The following RTN1 variants were observed in gnomAD, a reference collection of about 807,000 sequenced individuals.
RTN1 encodes the protein reticulon 1, also known as reticulon-1.
In RTN1, 25 loss-of-function variants were observed where a neutral mutation model predicts 65.5. That is an observed-to-expected ratio of 0.38 (90% confidence interval 0.28 to 0.53). The LOEUF (loss-of-function observed/expected upper bound fraction) is 0.53, where lower values mean the gene tolerates loss of function less well. RTN1 is among the 20% of genes least tolerant of loss of function. RTN1 has a pLI of 0.79. For missense variants in RTN1, 983 were observed against 1,025.4 expected (o/e 0.96, Z 0.57); for synonymous variants, 471 against 447.6 (o/e 1.05, Z -0.66).
chr14:59,697,744 G>A (rs1884092627), intron 3 of RTN1, among the ~76,000 whole-genome samples: 1 of 152,152 alleles, frequency 6.6e-6, no homozygotes, highest in Admixed American at 6.5e-5. Flanking sequence ...GGTATTAGAT[G>A]ATGTAAGCTT....
In RTN1 at chr14:59,746,162, G is replaced by T; in HGVS notation, c.561C>A (p.Asp187Glu). Reference sequence around the variant, plus strand: ...ATTTATAGGCCTCTGCTTTCATCTGGTCCAGAGGGTCTGCTAAGATCTTGT... The same window carrying T: ...ATTTATAGGCCTCTGCTTTCATCTGTTCCAGAGGGTCTGCTAAGATCTTGT... ...EVNKILADPL[D>E]QMKAEAYKYI... The change falls in exon 2 of 9, where the codon GAC (aspartate) becomes GAA (glutamate). Residue 187 changes from aspartate to glutamate, a missense_variant. Coordinates refer to ENST00000267484, the MANE Select transcript of RTN1 (RefSeq NM_021136.3). 1.2e-6 allele frequency: 2 copies of T among 1,606,690 alleles called. No individual in the cohort carries two copies. Among genetic ancestry groups the T allele is most frequent in the Non-Finnish European group, 1.7e-6 (2 of 1,177,304 alleles).
At position 59,836,961 on chromosome 14, in the gene RTN1, C is replaced by T. The variant is rs769955369; in HGVS notation, c.241+33429G>A. Among the ~76,000 whole-genome samples, 2 of 152,042 alleles carry T rather than the reference C, an allele frequency of 1.3e-5. No homozygotes were observed. Among genetic ancestry groups the T allele is most frequent in the Non-Finnish European group, 2.9e-5 (2 of 67,998 alleles). ...ATGCCCCTGAAATTTTAATCAAATG[C>T]TTTGCTGACTTTTTTTATTTGTAGC... On this transcript the variant is annotated intron_variant, in intron 1 of 8. Coordinates refer to ENST00000267484, the MANE Select transcript of RTN1 (RefSeq NM_021136.3). This position sits in a 1 kb window ranked among gnomAD's most constrained non-coding sequence, Gnocchi z 4.9.
chr14:59,779,240 T>C (rs1262511599), intron 1 of RTN1, among the ~76,000 whole-genome samples: 1 of 152,010 alleles, frequency 6.6e-6, no homozygotes, highest in Non-Finnish European at 1.5e-5. Flanking sequence ...TCTGGGGTAA[T>C]CCCAGAGTTT....
intron 3 of RTN1, among the ~76,000 whole-genome samples, chr14:59,656,835 G>T (rs1258655973): frequency 2.0e-5 from 3 of 152,186 alleles, no homozygotes; most frequent in Non-Finnish European, 4.4e-5. Flanking sequence ...GACTGCATTT[G>T]CAGACTTTTT....
At chr14:59,750,247 A>G (rs1347432966) in intron 1 of RTN1, among the ~76,000 whole-genome samples, 1 of 65,850 alleles carries the variant, frequency 1.5e-5, no homozygotes, top group Non-Finnish European at 2.5e-5. Flanking sequence ...TATTATATCT[A>G]TAATATATAA....
At chr14:59,603,368 C>T in intron 6 of RTN1, 110 bp from the exon 7 acceptor site, 1 of 793,538 alleles carries the variant, frequency 1.3e-6, no homozygotes, top group Non-Finnish European at 2.0e-6. Flanking sequence ...TTGGAATATA[C>T]AGCATTTTAT....
chr14:59,759,069 G>A (rs1004125508), intron 1 of RTN1, among the ~76,000 whole-genome samples: 2 of 152,142 alleles, frequency 1.3e-5, no homozygotes, highest in African/African-American at 4.8e-5. Flanking sequence ...GGAGCAGACA[G>A]GTCCCATATG....
intron 1 of RTN1, among the ~76,000 whole-genome samples, chr14:59,862,790 T>C (rs1032833541): frequency 6.6e-6 from 1 of 152,172 alleles, no homozygotes; most frequent in Non-Finnish European, 1.5e-5. Flanking sequence ...CTACTCAGTG[T>C]TCCCTCAGTT....
intron 1 of RTN1, among the ~76,000 whole-genome samples, chr14:59,754,035 C>T (rs1445495760): frequency 6.6e-6 from 1 of 152,104 alleles, no homozygotes. Flanking sequence ...ATTCAGTTAC[C>T]TGGATGCATT....
chr14:59,701,368 A>T (rs1442557192), intron 3 of RTN1, among the ~76,000 whole-genome samples: 1 of 152,208 alleles, frequency 6.6e-6, no homozygotes, highest in Admixed American at 6.5e-5. Flanking sequence ...AAACCTGTAC[A>T]TGAATGGTCA....
chr14:59,750,322 AATATATAATATATTAT>A (rs1321392338), intron 1 of RTN1, among the ~76,000 whole-genome samples: 4,185 of 30,844 alleles, frequency 0.14, 368 homozygotes, highest in Admixed American at 0.23. Flanking sequence ...TAATATCTAT[AATATATAATATATTAT>A]ATCTATAATA....
At chr14:59,690,929 G>A (rs1883947986) in intron 3 of RTN1, among the ~76,000 whole-genome samples, 3 of 152,070 alleles carry the variant, frequency 2.0e-5, no homozygotes, top group Admixed American at 6.6e-5. Context: ...TTTGTGGAAT[G>A]GAGCAAAACC....
chr14:59,845,520 C>T (rs1044263281), intron 1 of RTN1, among the ~76,000 whole-genome samples: 3 of 152,156 alleles, frequency 2.0e-5, no homozygotes, highest in Non-Finnish European at 4.4e-5. Context: ...CTTAACCTCC[C>T]ATGCCTCACC....
intron 3 of RTN1, among the ~76,000 whole-genome samples, chr14:59,707,697 T>C (rs1432967187): frequency 7.2e-6 from 1 of 139,832 alleles, no homozygotes; most frequent in East Asian, 2.0e-4. Flanking sequence ...TTTCCCTCTG[T>C]CTCTCTCTTT....
In RTN1 at chr14:59,870,707, C is replaced by T; in HGVS notation, c.-77G>A. On this transcript the variant is annotated 5_prime_UTR_variant, in exon 1 of 9. Transcript: ENST00000267484. This position sits in a 1 kb window ranked among gnomAD's most constrained non-coding sequence, Gnocchi z 5.1. ...GTGGCTGCGCGGGCGCTCCCTGCTGCTGTCCCCGGAGGGACTCGGCGCTCA... is the reference window on the plus strand; with the variant it reads ...GTGGCTGCGCGGGCGCTCCCTGCTGTTGTCCCCGGAGGGACTCGGCGCTCA... 1.6e-6 allele frequency: 2 copies of T among 1,289,196 alleles called. No individual in the cohort carries two copies. Among genetic ancestry groups the T allele is most frequent in the Non-Finnish European group, 9.8e-7 (1 of 1,023,606 alleles). 79.9% of individuals were successfully genotyped at this position (1,289,196 alleles called of 1,614,324 possible). A position where few individuals can be genotyped will look rare whatever the true frequency, so the allele number is the denominator to read the frequency against.
intron 3 of RTN1, among the ~76,000 whole-genome samples, chr14:59,693,317 T>C (rs569499702): frequency 6.6e-6 from 1 of 152,366 alleles, no homozygotes; most frequent in African/African-American, 2.4e-5. Context: ...TATGTTCATT[T>C]AATCTAATAA....
chr14:59,756,841 G>GT (rs11450526), intron 1 of RTN1, among the ~76,000 whole-genome samples: 39,845 of 100,458 alleles, frequency 0.4, 6,831 homozygotes, highest in Admixed American at 0.48. Flanking sequence ...TCTTTTTTTT[G>GT]TTTTTTTTTT....
chr14:59,726,865 C>T (rs780618225), intron 3 of RTN1, 54 bp downstream of exon 3: 6 of 1,498,280 alleles, frequency 4.0e-6, no homozygotes, highest in Non-Finnish European at 5.4e-6. Flanking sequence ...GCTGAATGCT[C>T]AGAGCACCCA....
intron 3 of RTN1, among the ~76,000 whole-genome samples, chr14:59,714,229 G>A (rs987861316): frequency 1.9e-4 from 27 of 142,048 alleles, no homozygotes; most frequent in East Asian, 1.0e-3. Context: ...GTGAGACTCC[G>A]TCTAAAAAAA....
Sources: allele counts gnomAD v4.1 joint callset (sites outside exome capture counted in the v4.1 genomes callset), GRCh38; gene constraint gnomAD v4.1.1; non-coding constraint Gnocchi (gnomAD v3.1); transcripts MANE v1.5; gene names NCBI Gene and HGNC (gene_info 2026-07-23, HGNC 2026-07-21).